Variants in FRMD4A observed in about 807,000 individuals in gnomAD.
The protein encoded by FRMD4A is FERM domain-containing protein 4A.
A neutral mutation model predicts 129.1 loss-of-function variants in FRMD4A; 29 were observed. That is an observed-to-expected ratio of 0.22 (90% CI 0.17 to 0.31). The LOEUF (loss-of-function observed/expected upper bound fraction) is 0.31, where lower values mean the gene tolerates loss of function less well. Ranked by LOEUF, FRMD4A falls within the 10% of genes least tolerant of loss-of-function variation. The probability of loss-of-function intolerance (pLI) is 1.00; values close to 1 mark genes in which losing one functional copy is unlikely to be tolerated. For missense variants in FRMD4A, 1,272 were observed against 1,375.8 expected (o/e 0.92, Z 1.19); for synonymous variants, 634 against 571.6 (o/e 1.11, Z -1.56).
chr10:14,136,544 AC>A lies in FRMD4A; in HGVS notation c.45+193513del, dbSNP rs1408868726. 3.3e-5 allele frequency among the ~76,000 whole-genome samples: 5 copies of A among 151,778 alleles called. No homozygotes were observed. In the East Asian group the frequency reaches 7.8e-4, roughly 24 times the overall value. Reference sequence around the variant, plus strand: ...CTGAGGCATAAGTGACTATTCCTCTACCCCCCAACCCCACTCGTCTCATATG... The same window carrying A: ...CTGAGGCATAAGTGACTATTCCTCTACCCCCAACCCCACTCGTCTCATATG... On this transcript the variant is annotated intron_variant, in intron 2 of 24. Coordinates refer to ENST00000357447, the MANE Select transcript of FRMD4A (RefSeq NM_018027.5).
intron 3 of FRMD4A, among the ~76,000 whole-genome samples, chr10:13,833,888 C>A (rs145907655): frequency 6.6e-6 from 1 of 151,978 alleles, no homozygotes; most frequent in African/African-American, 2.4e-5. Flanking sequence ...AGGGTCTGGG[C>A]GCTTAAAAGT....
chr10:14,180,335 T>G (rs1475003244), intron 2 of FRMD4A, among the ~76,000 whole-genome samples: 1 of 152,220 alleles, frequency 6.6e-6, no homozygotes, highest in Non-Finnish European at 1.5e-5. Flanking sequence ...TATTCATACA[T>G]TTTGTTATCC....
intron 12 of FRMD4A, among the ~76,000 whole-genome samples, chr10:13,726,538 G>A (rs2089907513): frequency 6.6e-6 from 1 of 152,238 alleles, no homozygotes; most frequent in South Asian, 2.1e-4. Flanking sequence ...TCCACTGCCT[G>A]TGCTCAAGTC....
chr10:14,298,687 C>A (rs1846088231), intron 2 of FRMD4A, among the ~76,000 whole-genome samples: 1 of 152,350 alleles, frequency 6.6e-6, no homozygotes, highest in Non-Finnish European at 1.5e-5. Context: ...CAACACGTTG[C>A]TGATTGGCTG....
chr10:13,701,722 C>T (rs989540196), intron 13 of FRMD4A, among the ~76,000 whole-genome samples: 4 of 152,196 alleles, frequency 2.6e-5, no homozygotes, highest in African/African-American at 7.2e-5. Context: ...CTGGCCAAGC[C>T]TCGGCCTTGT....
At chr10:14,192,576 C>G (rs1032362852) in intron 2 of FRMD4A, among the ~76,000 whole-genome samples, 5 of 152,194 alleles carry the variant, frequency 3.3e-5, no homozygotes, top group African/African-American at 1.2e-4. Flanking sequence ...TTTTTAACCT[C>G]TTTCCTTAAG....
intron 2 of FRMD4A, among the ~76,000 whole-genome samples, chr10:14,230,595 G>A (rs1347292153): frequency 1.3e-5 from 2 of 152,252 alleles, no homozygotes; most frequent in East Asian, 1.9e-4. Flanking sequence ...AATTCCTGAC[G>A]AGAATTTTTA....
chr10:14,120,361 C>T (rs1838437881), intron 2 of FRMD4A, among the ~76,000 whole-genome samples: 1 of 152,090 alleles, frequency 6.6e-6, no homozygotes, highest in African/African-American at 2.4e-5. Context: ...AGTTCCCTGC[C>T]TGATGCCAAT....
chr10:14,051,930 T>A (rs1834280477), intron 2 of FRMD4A, among the ~76,000 whole-genome samples: 1 of 152,192 alleles, frequency 6.6e-6, no homozygotes, highest in Admixed American at 6.5e-5. Flanking sequence ...AATCTCAGAA[T>A]GTGAGCTTAT....
chr10:13,941,923 C>T (rs1005894416), intron 2 of FRMD4A, among the ~76,000 whole-genome samples: 2 of 152,204 alleles, frequency 1.3e-5, no homozygotes, highest in African/African-American at 4.8e-5. Flanking sequence ...TACATTTTAC[C>T]CTGGTCTGGA....
At chr10:13,849,675 C>T (rs908533335) in intron 3 of FRMD4A, among the ~76,000 whole-genome samples, 1 of 151,264 alleles carries the variant, frequency 6.6e-6, no homozygotes, top group Admixed American at 6.6e-5. Flanking sequence ...GACGGGCTTT[C>T]ACCATGTTGG....
intron 2 of FRMD4A, among the ~76,000 whole-genome samples, chr10:14,301,586 T>C (rs1225737048): frequency 6.6e-6 from 1 of 152,248 alleles, no homozygotes; most frequent in East Asian, 1.9e-4. Context: ...TATTGGCCAT[T>C]ACAAGAAACA....
At chr10:14,265,350 G>A (rs1339684320) in intron 2 of FRMD4A, among the ~76,000 whole-genome samples, 3 of 152,088 alleles carry the variant, frequency 2.0e-5, no homozygotes, top group Non-Finnish European at 4.4e-5. Flanking sequence ...TTCATCCTTG[G>A]CTATGTCTCT....
chr10:14,153,860 C>A (rs537727739), intron 2 of FRMD4A, among the ~76,000 whole-genome samples: 1 of 152,284 alleles, frequency 6.6e-6, no homozygotes, highest in African/African-American at 2.4e-5. Flanking sequence ...ATCAATCAAT[C>A]GTTCTTTCCT....
intron 2 of FRMD4A, among the ~76,000 whole-genome samples, chr10:14,233,128 T>C (rs1409012147): frequency 1.3e-5 from 2 of 152,218 alleles, no homozygotes; most frequent in Non-Finnish European, 2.9e-5. Flanking sequence ...AGGATTATTG[T>C]GAATGCATAT....
intron 2 of FRMD4A, among the ~76,000 whole-genome samples, chr10:14,165,359 T>C (rs1023701092): frequency 1.7e-4 from 26 of 152,190 alleles, no homozygotes; most frequent in East Asian, 3.9e-4. Flanking sequence ...AGCCAAAACA[T>C]AACAGATGCT....
At chr10:13,981,454 A>G (rs1312945411) in intron 2 of FRMD4A, among the ~76,000 whole-genome samples, 1 of 152,144 alleles carries the variant, frequency 6.6e-6, no homozygotes, top group Non-Finnish European at 1.5e-5. Flanking sequence ...AGAATACTTA[A>G]GGGAGGCCAG....
intron 2 of FRMD4A, among the ~76,000 whole-genome samples, chr10:14,116,951 G>T (rs1314970703): frequency 6.6e-6 from 1 of 152,240 alleles, no homozygotes; most frequent in Non-Finnish European, 1.5e-5. Context: ...TGTGGCCATT[G>T]GGAGAATGTC....
intron 2 of FRMD4A, among the ~76,000 whole-genome samples, chr10:14,039,373 TCCATCC>T (rs1565204284): frequency 1.6e-4 from 17 of 108,020 alleles, no homozygotes; most frequent in African/African-American, 7.1e-4. Context: ...CGTCCGTCCA[TCCATCC>T]ATCCATCCAT....
Sources: allele counts gnomAD v4.1 joint callset (sites outside exome capture counted in the v4.1 genomes callset), GRCh38; gene constraint gnomAD v4.1.1; transcripts MANE v1.5; gene names NCBI Gene and HGNC (gene_info 2026-07-23, HGNC 2026-07-21).